Variants in CTNND2 observed in about 807,000 individuals in gnomAD.
CTNND2 encodes the protein catenin delta 2, also known as catenin delta-2.
CTNND2 carries 22 observed loss-of-function variants against 144.4 expected under a neutral mutation model. The ratio of observed to expected loss-of-function variants is 0.15; its 90% CI spans 0.11 to 0.22. The LOEUF (loss-of-function observed/expected upper bound fraction) is 0.22, where lower values mean the gene tolerates loss of function less well. CTNND2 is among the 10% of genes least tolerant of loss of function. The pLI, the probability that CTNND2 is intolerant of heterozygous loss-of-function variation, is 1.00. For synonymous variants in CTNND2, 751 were observed against 695.6 expected (o/e 1.08, Z -1.25); for missense variants, 1,353 against 1,618.8 (o/e 0.84, Z 2.82).
At chr5:11,405,900 G>A (rs1049761324) in intron 5 of CTNND2, among the ~76,000 whole-genome samples, 1 of 152,110 alleles carries the variant, frequency 6.6e-6, no homozygotes, top group East Asian at 1.9e-4. Flanking sequence ...GGACCTCCCA[G>A]CACTTTGGGA....
At chr5:10,989,767 T>G (rs538371080) in intron 19 of CTNND2, among the ~76,000 whole-genome samples, 1 of 152,304 alleles carries the variant, frequency 6.6e-6, no homozygotes, top group East Asian at 1.9e-4. Flanking sequence ...TGTGCAGCTC[T>G]CAATCGAGTA....
intron 6 of CTNND2, among the ~76,000 whole-genome samples, chr5:11,392,485 C>T (rs1053418239): frequency 1.3e-5 from 2 of 152,204 alleles, no homozygotes; most frequent in African/African-American, 4.8e-5. Context: ...CAGCAAGAGG[C>T]TCATTTAATA....
intron 1 of CTNND2, among the ~76,000 whole-genome samples, chr5:11,772,346 T>A (rs973641769): frequency 6.6e-6 from 1 of 152,182 alleles, no homozygotes; most frequent in African/African-American, 2.4e-5. Context: ...GTGGTAGGGC[T>A]TTTTGTCTCA....
At chr5:11,825,071 C>T (rs1418291724) in intron 1 of CTNND2, among the ~76,000 whole-genome samples, 3 of 152,078 alleles carry the variant, frequency 2.0e-5, no homozygotes, top group Non-Finnish European at 4.4e-5. Context: ...ATAGTATTTA[C>T]CTTTGATTTT....
In CTNND2 at chr5:11,404,602, C is replaced by CTTTTTTTTTTT. The variant is rs555388304; in HGVS notation, c.439+6923_439+6933dup. Among the ~76,000 whole-genome samples, 113 of 57,380 alleles carry CTTTTTTTTTTT rather than the reference C, an allele frequency of 2.0e-3. 36 individuals carry two copies. Among genetic ancestry groups the CTTTTTTTTTTT allele is most frequent in the East Asian group, 4.2e-3 (6 of 1,428 alleles). The allele number at this position is 57,380 out of a possible 152,430, so 37.6% of individuals were successfully genotyped here. ...ATCAGTATCTGTCAGTATCTGTATT[C>CTTTTTTTTTTT]TTTTTTTTTTTTTTTTTTTTTTTTT... On this transcript the variant is annotated intron_variant, in intron 5 of 21. Transcript: ENST00000304623.
At chr5:11,734,961 AC>A (rs1344677993) in intron 1 of CTNND2, among the ~76,000 whole-genome samples, 1 of 152,216 alleles carries the variant, frequency 6.6e-6, no homozygotes, top group Non-Finnish European at 1.5e-5. Flanking sequence ...TCTGTTACAA[AC>A]AGAATATGTG....
chr5:11,478,635 T>C (rs1767975154), intron 3 of CTNND2, among the ~76,000 whole-genome samples: 1 of 152,234 alleles, frequency 6.6e-6, no homozygotes, highest in African/African-American at 2.4e-5. Context: ...CAAAGGTAGA[T>C]GCCATTGTCC....
At chr5:11,555,797 T>A (rs185477649) in intron 3 of CTNND2, among the ~76,000 whole-genome samples, 31 of 152,224 alleles carry the variant, frequency 2.0e-4, no homozygotes, top group African/African-American at 7.0e-4. Flanking sequence ...TTAGGAATAT[T>A]TGTGAGGGAA....
At chr5:11,281,297 G>C (rs763823296) in intron 9 of CTNND2, among the ~76,000 whole-genome samples, 18 of 152,124 alleles carry the variant, frequency 1.2e-4, no homozygotes, top group African/African-American at 4.3e-4. Context: ...GGGGAGCTAC[G>C]TTTCTGGAAA....
At chr5:11,106,104 GA>G (rs756099477) in intron 14 of CTNND2, among the ~76,000 whole-genome samples, 7 of 152,174 alleles carry the variant, frequency 4.6e-5, no homozygotes, top group Non-Finnish European at 8.8e-5. Context: ...TCAAGTCCAC[GA>G]ACAGAAACTG....
At chr5:11,479,731 TGCATTTCTCTAATGATCAGTGATA>T (rs1768071065) in intron 3 of CTNND2, among the ~76,000 whole-genome samples, 1 of 152,112 alleles carries the variant, frequency 6.6e-6, no homozygotes, top group Non-Finnish European at 1.5e-5. Flanking sequence ...GGTTTTGATT[TGCATTTCTCTAATGATCAGTGATA>T]CTGAGCTTTT....
At chr5:11,324,830 A>C (rs1752370467) in intron 9 of CTNND2, among the ~76,000 whole-genome samples, 1 of 152,208 alleles carries the variant, frequency 6.6e-6, no homozygotes, top group Non-Finnish European at 1.5e-5. Flanking sequence ...TATTAATTGA[A>C]AGAAACCATT....
intron 3 of CTNND2, among the ~76,000 whole-genome samples, chr5:11,420,595 G>T (rs31883): frequency 0.32 from 48,742 of 152,040 alleles, 10,567 homozygotes; most frequent in African/African-American, 0.63. Context: ...CTGTTGCCCT[G>T]TTCCATTAGC....
chr5:11,077,872 T>C lies in CTNND2; in HGVS notation c.2788+4824A>G, dbSNP rs895561674. ...GTTGATAGATTAGGTATGAGGTGGA[T>C]TGCATACGAGTCAAAGAAGACGCCA... On this transcript the variant is annotated intron_variant, in intron 16 of 21. Transcript: ENST00000304623. 6.6e-5 allele frequency among the ~76,000 whole-genome samples: 10 copies of C among 152,172 alleles called. 1 individual carries two copies. The highest frequency in any genetic ancestry group is 5.9e-4 in the Admixed American group (9 of 15,272).
intron 16 of CTNND2, among the ~76,000 whole-genome samples, chr5:11,053,575 C>A (rs539222760): frequency 6.6e-6 from 1 of 152,206 alleles, no homozygotes; most frequent in Non-Finnish European, 1.5e-5. Context: ...AGCACTGTTA[C>A]CTTGAAGATA....
chr5:11,256,189 C>T (rs985434327), intron 9 of CTNND2, among the ~76,000 whole-genome samples: 4 of 152,180 alleles, frequency 2.6e-5, no homozygotes, highest in African/African-American at 9.7e-5. Context: ...TGGTTCTGCT[C>T]CAGCATTAGC....
At chr5:11,566,940 G>C (rs1289981787) in intron 2 of CTNND2, among the ~76,000 whole-genome samples, 1 of 152,130 alleles carries the variant, frequency 6.6e-6, no homozygotes, top group South Asian at 2.1e-4. Context: ...CCCTCTGAAA[G>C]AACAACCTTA....
At chr5:11,114,517 G>A (rs1380762514) in intron 13 of CTNND2, among the ~76,000 whole-genome samples, 1 of 152,216 alleles carries the variant, frequency 6.6e-6, no homozygotes, top group African/African-American at 2.4e-5. Context: ...GGGATAAGGA[G>A]AAAGAGAAGA....
chr5:11,537,795 A>G (rs1774359087), intron 3 of CTNND2, among the ~76,000 whole-genome samples: 2 of 152,236 alleles, frequency 1.3e-5, no homozygotes, highest in African/African-American at 4.8e-5. Flanking sequence ...TTAGCATCAC[A>G]TATAAAAATA....
Sources: gnomAD v4.1 joint callset for allele counts (sites outside exome capture counted in the v4.1 genomes callset) on GRCh38, gnomAD v4.1.1 for gene constraint, MANE v1.5 for transcripts, NCBI Gene and HGNC (gene_info 2026-07-23, HGNC 2026-07-21) for gene names.